The following SBF2 variants were observed in gnomAD, a reference collection of about 807,000 sequenced individuals.
The protein encoded by SBF2 is myotubularin-related protein 13.
In SBF2, 112 loss-of-function variants were observed where a neutral mutation model predicts 225.2. The ratio of observed to expected loss-of-function variants is 0.50; its 90% CI spans 0.43 to 0.58. The LOEUF is 0.58. Ranked by LOEUF, SBF2 falls within the 20% of genes least tolerant of loss-of-function variation. The pLI is 0.00. For synonymous variants in SBF2, 763 were observed against 773.3 expected (o/e 0.99, Z 0.22); for missense variants, 1,996 against 2,206.2 (o/e 0.90, Z 1.91).
chr11:9,871,578 G>A (rs1054818748), intron 17 of SBF2, among the ~76,000 whole-genome samples: 11 of 151,104 alleles, frequency 7.3e-5, no homozygotes, highest in South Asian at 2.1e-4. Flanking sequence ...TGCAAGCTCC[G>A]CCTCCTGGGT....
At position 9,808,232 on chromosome 11, in the gene SBF2, AG is replaced by A. The variant is rs758393941; in HGVS notation, c.4258-48del. The A allele has an allele frequency of 4.6e-6, 7 of 1,524,722 alleles. No individual in the cohort carries two copies. The South Asian group carries it at 8.0e-5, about 17-fold the overall frequency. 94.4% of individuals were successfully genotyped at this position (1,524,722 alleles called of 1,614,324 possible). On this transcript the variant is annotated intron_variant, in intron 31 of 39. Coordinates refer to ENST00000256190, the MANE Select transcript of SBF2 (RefSeq NM_030962.4). The stretch of plus-strand genomic sequence containing the variant: ...TTGTCATTAATTTTAGTTCTGAAAA[AG>A]GCCTATTACTAAGATAAAAGCACTT...
chr11:10,162,291 T>C (rs1424193679), intron 2 of SBF2, among the ~76,000 whole-genome samples: 1 of 151,946 alleles, frequency 6.6e-6, no homozygotes, highest in African/African-American at 2.4e-5. Flanking sequence ...TAAGCCTCAG[T>C]GGAGGCTGAG....
upstream of SBF2, among the ~76,000 whole-genome samples, chr11:10,298,598 T>C (rs1197982169): frequency 6.6e-6 from 1 of 152,236 alleles, no homozygotes; most frequent in Admixed American, 6.5e-5. Context: ...CAGGCAGGGC[T>C]GAGGCCTCTT....
chr11:10,232,561 A>G (rs1003731241), intron 1 of SBF2, among the ~76,000 whole-genome samples: 1 of 141,340 alleles, frequency 7.1e-6, no homozygotes, highest in African/African-American at 2.6e-5. Flanking sequence ...TTTTGTCTTA[A>G]TTTTTTTTTT....
chr11:9,882,795 CAAAAAAAAAAAAAAA>C (rs56699466), intron 17 of SBF2, among the ~76,000 whole-genome samples: 32 of 90,098 alleles, frequency 3.6e-4, no homozygotes, highest in Admixed American at 1.3e-3. Context: ...GTGACAGAGT[CAAAAAAAAAAAAAAA>C]AAAAAAAAAA....
intron 2 of SBF2, among the ~76,000 whole-genome samples, chr11:10,102,889 T>C (rs1259786622): frequency 5.3e-5 from 8 of 152,334 alleles, no homozygotes; most frequent in Admixed American, 4.6e-4. Context: ...GATGGATTTA[T>C]AAAATTTTAT....
chr11:9,805,918 A>G (rs564687521), intron 32 of SBF2, among the ~76,000 whole-genome samples: 54 of 152,250 alleles, frequency 3.5e-4, no homozygotes, highest in Non-Finnish European at 5.3e-4. Flanking sequence ...ACCACGCCCG[A>G]CCAGGATATT....
rs1013268592 is a variant in SBF2, at chr11:10,170,085, C to G, written c.141+23817G>C. 2.6e-5 allele frequency among the ~76,000 whole-genome samples: 4 copies of G among 151,944 alleles called. No individual in the cohort carries two copies. The South Asian group carries it at 8.3e-4, about 32-fold the overall frequency. ...GCTCCTTATATATTCTGTGGGTTGT[C>G]TCTTCACTTTGTTGATTGTTTCCTT... On this transcript the variant is annotated intron_variant, in intron 2 of 39. Coordinates refer to ENST00000256190, the MANE Select transcript of SBF2 (RefSeq NM_030962.4).
chr11:9,945,595 G>T (rs893006188), intron 16 of SBF2, among the ~76,000 whole-genome samples: 29 of 152,080 alleles, frequency 1.9e-4, no homozygotes, highest in African/African-American at 6.5e-4. Context: ...AAATAGACAA[G>T]TGGGATCTAA....
chr11:10,089,617 G>T (rs990710097), intron 2 of SBF2, among the ~76,000 whole-genome samples: 1 of 151,928 alleles, frequency 6.6e-6, no homozygotes, highest in Non-Finnish European at 1.5e-5. Flanking sequence ...ATGTATACAG[G>T]GTAGTTACAT....
At chr11:9,876,569 C>T (rs971456347) in intron 17 of SBF2, among the ~76,000 whole-genome samples, 3 of 152,128 alleles carry the variant, frequency 2.0e-5, no homozygotes, top group African/African-American at 7.2e-5. Context: ...AGAAAGGCCA[C>T]GTGACATAGT....
intron 1 of SBF2, among the ~76,000 whole-genome samples, chr11:10,248,245 A>G (rs1475376175): frequency 6.6e-6 from 1 of 152,246 alleles, no homozygotes; most frequent in African/African-American, 2.4e-5. Flanking sequence ...ATGACTGGTC[A>G]TTTAAAAAGA....
intron 2 of SBF2, among the ~76,000 whole-genome samples, chr11:10,108,847 T>C (rs1393234487): frequency 6.6e-6 from 1 of 152,160 alleles, no homozygotes; most frequent in Non-Finnish European, 1.5e-5. Context: ...TTAAGGGGAC[T>C]GTATGTACCA....
chr11:9,828,475 TG>T (rs1855194323), intron 28 of SBF2: 1 of 985,450 alleles, frequency 1.0e-6, no homozygotes, highest in African/African-American at 1.7e-5. Context: ...AAGGCATGCA[TG>T]GTGTTATTTT....
intron 1 of SBF2, among the ~76,000 whole-genome samples, chr11:10,215,630 C>G (rs1958100884): frequency 6.6e-6 from 1 of 151,466 alleles, no homozygotes; most frequent in Non-Finnish European, 1.5e-5. Flanking sequence ...CTCAAAAAAA[C>G]AAACAAAAAA....
chr11:10,176,472 G>A (rs1484079872), intron 2 of SBF2, among the ~76,000 whole-genome samples: 1 of 151,242 alleles, frequency 6.6e-6, no homozygotes, highest in Non-Finnish European at 1.5e-5. Context: ...AAAGAGAGAA[G>A]AATCAAATAG....
At chr11:9,938,863 G>A (rs1865069009) in intron 16 of SBF2, among the ~76,000 whole-genome samples, 1 of 151,446 alleles carries the variant, frequency 6.6e-6, no homozygotes, top group Non-Finnish European at 1.5e-5. Flanking sequence ...GCCAAAATGA[G>A]CAAATATAAT....
intron 2 of SBF2, among the ~76,000 whole-genome samples, chr11:10,148,774 G>A (rs1045956003): frequency 6.6e-6 from 1 of 152,066 alleles, no homozygotes; most frequent in African/African-American, 2.4e-5. Flanking sequence ...AAAATATTCA[G>A]TGGTTGCTAA....
At position 10,073,071 on chromosome 11, in the gene SBF2, C is replaced by T. The variant is rs1386308936; in HGVS notation, c.142-30090G>A. ...TCGCACCCAGTGGTTATCTTGCTTT[C>T]AATTGACTCCTTCAAAAGGCCAATA... On this transcript the variant is annotated intron_variant, in intron 2 of 39. Transcript: ENST00000256190. 3.9e-5 allele frequency among the ~76,000 whole-genome samples: 6 copies of T among 152,088 alleles called. No homozygotes were observed. In the East Asian group the frequency reaches 1.2e-3, roughly 29 times the overall value.
Sources: gnomAD v4.1 joint callset for allele counts (sites outside exome capture counted in the v4.1 genomes callset) on GRCh38, gnomAD v4.1.1 for gene constraint, MANE v1.5 for transcripts, NCBI Gene and HGNC (gene_info 2026-07-23, HGNC 2026-07-21) for gene names.